GRIP1: variants seen among roughly 807,000 people sequenced by gnomAD.
GRIP1 encodes the protein glutamate receptor interacting protein 1.
GRIP1 carries 45 observed loss-of-function variants against 129.9 expected under a neutral mutation model. That is an observed-to-expected ratio of 0.35 (90% CI 0.27 to 0.44). The LOEUF is 0.44. GRIP1 is among the 20% of genes least tolerant of loss of function. The pLI, the probability that GRIP1 is intolerant of heterozygous loss-of-function variation, is 1.00. For missense variants in GRIP1, 1,196 were observed against 1,396.8 expected (o/e 0.86, Z 2.29); for synonymous variants, 530 against 520.8 (o/e 1.02, Z -0.24).
At chr12:66,908,731 T>A (rs1165889134) in intron 1 of GRIP1, among the ~76,000 whole-genome samples, 1 of 152,214 alleles carries the variant, frequency 6.6e-6, no homozygotes, top group Non-Finnish European at 1.5e-5. Context: ...GGAAGAGGAC[T>A]GTATATCTTC....
chr12:66,730,096 C>G (rs17102846), intron 1 of GRIP1, among the ~76,000 whole-genome samples: 22,724 of 152,160 alleles, frequency 0.15, 1,846 homozygotes, highest in Non-Finnish European at 0.17. Context: ...AGCAGACTGA[C>G]TCATATATAA....
At position 66,888,641 on chromosome 12, in the gene GRIP1, G is replaced by T. The variant is rs546528275; in HGVS notation, c.58+180409C>A. Reference sequence around the variant, plus strand: ...GCCTCCAAAAGTGCTGGAATTACAGGCATGAGCCACCTTGCCCTGCCAGAA... The same window carrying T: ...GCCTCCAAAAGTGCTGGAATTACAGTCATGAGCCACCTTGCCCTGCCAGAA... On this transcript the variant is annotated intron_variant, in intron 1 of 1. Coordinates refer to the GRIP1 transcript ENST00000643019. 2.6e-5 allele frequency among the ~76,000 whole-genome samples: 4 copies of T among 152,288 alleles called. No homozygotes were observed. The South Asian group carries it at 8.3e-4, about 32-fold the overall frequency.
intron 1 of GRIP1, among the ~76,000 whole-genome samples, chr12:66,620,915 C>T (rs2065242686): frequency 6.6e-6 from 1 of 152,108 alleles, no homozygotes; most frequent in Admixed American, 6.6e-5. Flanking sequence ...TGATGATTCA[C>T]TTTTCCTGCC....
At chr12:66,495,376 G>A (rs2060208795) in intron 7 of GRIP1, among the ~76,000 whole-genome samples, 1 of 152,064 alleles carries the variant, frequency 6.6e-6, no homozygotes, top group African/African-American at 2.4e-5. Flanking sequence ...TGCATGTGCC[G>A]TTCCACTTAA....
chr12:66,680,934 C>A (rs1252705007), upstream of GRIP1, among the ~76,000 whole-genome samples: 1 of 152,048 alleles, frequency 6.6e-6, no homozygotes, highest in South Asian at 2.1e-4. Flanking sequence ...CTAAAATGAT[C>A]AAATATTTTC....
chr12:66,655,464 C>T lies in GRIP1; in HGVS notation c.55+23386G>A, dbSNP rs1277612207. On this transcript the variant is annotated intron_variant, in intron 1 of 24. Coordinates refer to ENST00000359742, the MANE Select transcript of GRIP1 (RefSeq NM_001366722.1). ...TGTGGTACATTTGTTACAGCTGTAT[C>T]TACATTGATGCCTCATTATCACCCA... is the stretch of plus-strand genomic sequence containing the variant. Among the ~76,000 whole-genome samples, 5 of 152,278 alleles carry T rather than the reference C, an allele frequency of 3.3e-5. No individual in the cohort carries two copies. The East Asian group carries it at 9.7e-4, about 29-fold the overall frequency.
At chr12:66,489,002 C>G (rs1273718288) in intron 7 of GRIP1, among the ~76,000 whole-genome samples, 2 of 152,096 alleles carry the variant, frequency 1.3e-5, no homozygotes, top group East Asian at 3.8e-4. Flanking sequence ...CAAAAAATAT[C>G]CAGGACCAGA....
At chr12:66,731,362 G>T (rs1014855338) in intron 1 of GRIP1, among the ~76,000 whole-genome samples, 1 of 152,138 alleles carries the variant, frequency 6.6e-6, no homozygotes, top group African/African-American at 2.4e-5. Flanking sequence ...TTTGACATTT[G>T]ACTTTTTACA....
At chr12:66,839,699 T>C (rs1258773444) in intron 1 of GRIP1, among the ~76,000 whole-genome samples, 1 of 152,206 alleles carries the variant, frequency 6.6e-6, no homozygotes, top group African/African-American at 2.4e-5. Context: ...CAGAAAAGCA[T>C]ATTAATAGTC....
At chr12:66,632,362 C>G (rs2030893157) in intron 1 of GRIP1, among the ~76,000 whole-genome samples, 1 of 152,196 alleles carries the variant, frequency 6.6e-6, no homozygotes, top group South Asian at 2.1e-4. Context: ...GCCCTTGGAG[C>G]TCTCAGCAAC....
chr12:66,822,733 A>C (rs2039342772), intron 1 of GRIP1, among the ~76,000 whole-genome samples: 1 of 152,212 alleles, frequency 6.6e-6, no homozygotes, highest in Admixed American at 6.5e-5. Context: ...CATTATCTTA[A>C]GCAAAATAAC....
intron 1 of GRIP1, among the ~76,000 whole-genome samples, chr12:66,862,805 G>C (rs1198457351): frequency 2.6e-5 from 4 of 152,002 alleles, no homozygotes; most frequent in African/African-American, 9.7e-5. Flanking sequence ...ATGCAGTCTA[G>C]ATTCCATCTC....
chr12:66,684,516 C>G (rs959830054), intron 1 of GRIP1, among the ~76,000 whole-genome samples: 1 of 152,164 alleles, frequency 6.6e-6, no homozygotes, highest in African/African-American at 2.4e-5. Flanking sequence ...TCTCAAATCT[C>G]AACTGTCAGC....
chr12:66,947,399 G>T (rs1456197493), intron 1 of GRIP1, among the ~76,000 whole-genome samples: 1 of 152,206 alleles, frequency 6.6e-6, no homozygotes, highest in East Asian at 1.9e-4. Flanking sequence ...TTGTAAATGT[G>T]AAAGTATTTA....
rs1444222337 is a variant in GRIP1 at position 66,415,390 on chromosome 12, G to C, written c.1838+5330C>G. ...ATGAGATATCATCTGATGCCAGTCA[G>C]GATGGCAATTACGAAAAAGTCAAGC... On this transcript the variant is annotated intron_variant, in intron 15 of 24. Coordinates refer to ENST00000359742, the MANE Select transcript of GRIP1 (RefSeq NM_001366722.1). Among the ~76,000 whole-genome samples the C allele has an allele frequency of 2.6e-5, 4 of 152,282 alleles. No homozygotes were observed. The East Asian group carries it at 7.7e-4, about 29-fold the overall frequency.
chr12:66,788,569 GT>G (rs997777333), intron 1 of GRIP1, among the ~76,000 whole-genome samples: 1 of 151,578 alleles, frequency 6.6e-6, no homozygotes, highest in East Asian at 1.9e-4. Context: ...AAAAAACTGT[GT>G]TTTTTTTGTC....
chr12:66,885,187 C>T (rs1190748485), intron 1 of GRIP1, among the ~76,000 whole-genome samples: 2 of 152,204 alleles, frequency 1.3e-5, no homozygotes, highest in African/African-American at 4.8e-5. Flanking sequence ...CTCATGATCC[C>T]TGTTCAACCG....
At chr12:66,682,189 T>C (rs1463295057), upstream of GRIP1, among the ~76,000 whole-genome samples, 3 of 152,204 alleles carry the variant, frequency 2.0e-5, no homozygotes, top group Admixed American at 2.0e-4. Context: ...TACCTTTAAG[T>C]GCAGTTATCT....
Position 66,444,434 on chromosome 12 carries a change from C to T in GRIP1, c.1687+150G>A, listed in dbSNP as rs562959570. 8.0e-4 allele frequency: 503 copies of T among 629,456 alleles called. 4 individuals carry two copies. Among genetic ancestry groups the T allele is most frequent in the South Asian group, 6.5e-3 (344 of 52,604 alleles). 39.0% of individuals were successfully genotyped at this position (629,456 alleles called of 1,614,324 possible). On this transcript the variant is annotated intron_variant, in intron 13 of 24. Transcript: ENST00000359742. ...CCGGGAAGTGGAGCTTGCAGTGAGCCGAGATTGCGCCACTGCAGTCCGCAG... is the reference window on the plus strand; with the variant it reads ...CCGGGAAGTGGAGCTTGCAGTGAGCTGAGATTGCGCCACTGCAGTCCGCAG...
Sources: gnomAD v4.1 joint callset for allele counts (sites outside exome capture counted in the v4.1 genomes callset) on GRCh38, gnomAD v4.1.1 for gene constraint, MANE v1.5 for transcripts, NCBI Gene and HGNC (gene_info 2026-07-23, HGNC 2026-07-21) for gene names.